Variants in DENND2A observed in about 807,000 individuals in gnomAD.
DENND2A encodes the protein DENN domain containing 2A.
A neutral mutation model predicts 105.3 loss-of-function variants in DENND2A; 53 were observed. That is an observed-to-expected ratio of 0.50 (90% CI 0.40 to 0.63). The LOEUF (loss-of-function observed/expected upper bound fraction) is 0.63, where lower values mean the gene tolerates loss of function less well. Among genes scored for constraint, DENND2A ranks in the 30% least tolerant of loss-of-function variants. The pLI, the probability that DENND2A is intolerant of heterozygous loss-of-function variation, is 0.00. For missense variants in DENND2A, 1,138 were observed against 1,279.6 expected (o/e 0.89, Z 1.69); for synonymous variants, 522 against 508.4 (o/e 1.03, Z -0.36).
chr7:140,616,292 G>T (rs1800082831), intron 1 of DENND2A, among the ~76,000 whole-genome samples: 1 of 152,148 alleles, frequency 6.6e-6, no homozygotes, highest in African/African-American at 2.4e-5. Flanking sequence ...AACCCAGGAG[G>T]TGGAGGTGGC....
At chr7:140,634,957 G>A (rs992308931) in intron 1 of DENND2A, among the ~76,000 whole-genome samples, 7 of 144,762 alleles carry the variant, frequency 4.8e-5, no homozygotes, top group East Asian at 4.2e-4. Flanking sequence ...GCAAGACTCC[G>A]TCTCAAAAAA....
intron 1 of DENND2A, among the ~76,000 whole-genome samples, chr7:140,621,038 C>G (rs1258930795): frequency 6.6e-6 from 1 of 152,018 alleles, no homozygotes; most frequent in South Asian, 2.1e-4. Flanking sequence ...AATTTAAAAA[C>G]TTTTTTCAAG....
Position 140,527,578 on chromosome 7 carries a change from G to A in DENND2A, c.2328-83C>T. On this transcript the variant is annotated intron_variant, in intron 14 of 19. Coordinates refer to ENST00000496613, the MANE Select transcript of DENND2A (RefSeq NM_015689.5). This position sits in a 1 kb window ranked among gnomAD's most constrained non-coding sequence, Gnocchi z 4.9. ...TCCAGGGGAGAAGGCTCCTCCCAGAGACAGGATGACTAGGAAAGGACACAC... is the reference window on the plus strand; with the variant it reads ...TCCAGGGGAGAAGGCTCCTCCCAGAAACAGGATGACTAGGAAAGGACACAC... 4 of 1,388,434 alleles carry A rather than the reference G, an allele frequency of 2.9e-6. No homozygotes were observed. In the South Asian group the frequency reaches 5.7e-5, roughly 20 times the overall value. The allele number at this position is 1,388,434 out of a possible 1,614,324, so 86.0% of individuals were successfully genotyped here.
intron 3 of DENND2A, among the ~76,000 whole-genome samples, chr7:140,590,385 C>A (rs1326701037): frequency 6.6e-6 from 1 of 151,530 alleles, no homozygotes; most frequent in Non-Finnish European, 1.5e-5. Flanking sequence ...GACTCTGTCT[C>A]AAAAAATACA....
rs1362641219 is a variant in DENND2A, at chr7:140,523,517, C to T, written c.2548-93G>A. On this transcript the variant is annotated intron_variant, in intron 16 of 19. Transcript: ENST00000496613. The surrounding 1 kb of genome is among the most constrained non-coding windows in gnomAD (Gnocchi z 4.5). ...GAGCCACTGCAGGGCAGGCCTGGCTCAGTCTCCAGTTTCATGGAAGGAATA... is the reference window on the plus strand; with the variant it reads ...GAGCCACTGCAGGGCAGGCCTGGCTTAGTCTCCAGTTTCATGGAAGGAATA... 7.7e-6 allele frequency: 8 copies of T among 1,043,938 alleles called. No homozygotes were observed. Among genetic ancestry groups the T allele is most frequent in the Non-Finnish European group, 1.2e-5 (8 of 685,236 alleles). The allele number at this position is 1,043,938 out of a possible 1,614,324, so 64.7% of individuals were successfully genotyped here.
Position 140,602,309 on chromosome 7 carries a change from T to A in DENND2A, c.89A>T (p.Asn30Ile), listed in dbSNP as rs1385796592. Residue 30 changes from asparagine to isoleucine, a missense_variant, in exon 3 of 20, where the codon AAC becomes ATC. Physicochemically the swap from Asn to Ile is moderately radical, Grantham distance 149. Coordinates refer to ENST00000496613, the MANE Select transcript of DENND2A (RefSeq NM_015689.5). ...AGKKQLRGVQ[N>I]PCPSARARPR... ...TCTGGCTCTGGCAGATGGGCAAGGG[T>A]TCTGAACACCTCTGAGCTGCTTCTT... is the stretch of plus-strand genomic sequence containing the variant. The A allele has an allele frequency of 1.9e-6, 3 of 1,606,428 alleles. No homozygotes were observed. The highest frequency in any genetic ancestry group is 2.5e-6 in the Non-Finnish European group (3 of 1,179,946).
At chr7:140,521,165 C>T (rs1193949749) in intron 18 of DENND2A, among the ~76,000 whole-genome samples, 1 of 152,152 alleles carries the variant, frequency 6.6e-6, no homozygotes, top group African/African-American at 2.4e-5. Flanking sequence ...CGTGAGCCAC[C>T]ATGCCCGGCT....
intron 1 of DENND2A, among the ~76,000 whole-genome samples, chr7:140,617,083 C>T (rs967183027): frequency 6.6e-6 from 1 of 152,174 alleles, no homozygotes; most frequent in African/African-American, 2.4e-5. Flanking sequence ...GTCTCGAACT[C>T]CCGACCTCAG....
chr7:140,562,867 C>T (rs772029078), intron 9 of DENND2A, among the ~76,000 whole-genome samples: 2 of 152,162 alleles, frequency 1.3e-5, no homozygotes, highest in Non-Finnish European at 2.9e-5. Context: ...TATTTCTTTT[C>T]TATATAACAG....
At chr7:140,598,565 TAACA>T (rs1799367617) in intron 3 of DENND2A, among the ~76,000 whole-genome samples, 1 of 152,130 alleles carries the variant, frequency 6.6e-6, no homozygotes, top group Admixed American at 6.5e-5. Flanking sequence ...ATGAATCAAC[TAACA>T]GACTATTAGA....
At chr7:140,632,631 C>T (rs191863176) in intron 1 of DENND2A, among the ~76,000 whole-genome samples, 79 of 152,224 alleles carry the variant, frequency 5.2e-4, no homozygotes, top group African/African-American at 1.8e-3. Context: ...TGCAGTGGCG[C>T]GATCTCGGCT....
intron 4 of DENND2A, among the ~76,000 whole-genome samples, chr7:140,586,534 A>G (rs1240652612): frequency 6.6e-6 from 1 of 152,082 alleles, no homozygotes; most frequent in Non-Finnish European, 1.5e-5. Context: ...ACTCCTGGGT[A>G]ACAGAGTGAG....
At chr7:140,546,374 C>A (rs991860524) in intron 13 of DENND2A, among the ~76,000 whole-genome samples, 1 of 152,126 alleles carries the variant, frequency 6.6e-6, no homozygotes, top group Non-Finnish European at 1.5e-5. Flanking sequence ...GCCGAGATCA[C>A]ACCACTGCAC....
chr7:140,530,961 A>G (rs1796242205), intron 14 of DENND2A, among the ~76,000 whole-genome samples: 1 of 152,066 alleles, frequency 6.6e-6, no homozygotes, highest in African/African-American at 2.4e-5. Flanking sequence ...CGAACTCCTG[A>G]CCTCAGGTGA....
In DENND2A at chr7:140,563,139, C is replaced by T. The variant is rs59090586; in HGVS notation, c.1780-3322G>A. Reference sequence around the variant, plus strand: ...GGGAGGAAGAATACCAAATGAGTTTCTCCACAAAGGAAACAGCATTCAGGA... The same window carrying T: ...GGGAGGAAGAATACCAAATGAGTTTTTCCACAAAGGAAACAGCATTCAGGA... On this transcript the variant is annotated intron_variant, in intron 9 of 19. Transcript: ENST00000496613. Among the ~76,000 whole-genome samples, 877 of 148,336 alleles carry T rather than the reference C, an allele frequency of 5.9e-3. 10 individuals are homozygous for T. Among genetic ancestry groups the T allele is most frequent in the African/African-American group, 0.02 (763 of 37,810 alleles).
rs1222065482 is a variant in DENND2A at position 140,639,533 on chromosome 7, TC to T, written c.-248+970del. Among the ~76,000 whole-genome samples the T allele has an allele frequency of 2.6e-5, 4 of 152,132 alleles. No homozygotes were observed. In the East Asian group the frequency reaches 7.7e-4, roughly 29 times the overall value. On this transcript the variant is annotated intron_variant, in intron 1 of 19. Coordinates refer to ENST00000496613, the MANE Select transcript of DENND2A (RefSeq NM_015689.5). ...TGCCCACCCAGACTTTCTACTCCACTCTTTTGGTATCTGATATTTGATGATG... is the reference window on the plus strand; with the variant it reads ...TGCCCACCCAGACTTTCTACTCCACTTTTTGGTATCTGATATTTGATGATG...
chr7:140,615,526 G>A (rs952270715), intron 1 of DENND2A, among the ~76,000 whole-genome samples: 1 of 148,792 alleles, frequency 6.7e-6, no homozygotes, highest in Non-Finnish European at 1.5e-5. Context: ...ATTTCTAGGA[G>A]TTCTGCTTTT....
intron 14 of DENND2A, among the ~76,000 whole-genome samples, chr7:140,540,339 A>G (rs1326739414): frequency 2.0e-5 from 3 of 152,280 alleles, no homozygotes; most frequent in African/African-American, 4.8e-5. Flanking sequence ...TGGCAGCCAC[A>G]GCTGGCATCT....
At chr7:140,583,873 C>A (rs2130640363) in intron 5 of DENND2A, among the ~76,000 whole-genome samples, 1 of 147,406 alleles carries the variant, frequency 6.8e-6, no homozygotes. Context: ...TTGCAGTGAG[C>A]CAAGATCGTG....
Sources: gnomAD v4.1 joint callset for allele counts (sites outside exome capture counted in the v4.1 genomes callset) on GRCh38, gnomAD v4.1.1 for gene constraint, Gnocchi (gnomAD v3.1) non-coding constraint, MANE v1.5 for transcripts, NCBI Gene and HGNC (gene_info 2026-07-23, HGNC 2026-07-21) for gene names.